Variants in DIS3L2 observed in about 807,000 individuals in gnomAD.
DIS3L2 encodes the protein DIS3 like 3'-5' exoribonuclease 2, also known as DIS3-like exonuclease 2.
Under a neutral mutation model 97.5 loss-of-function variants are expected in DIS3L2, and 34 were observed. That is an observed-to-expected ratio of 0.35 (90% CI 0.27 to 0.46). DIS3L2 has a LOEUF of 0.46. Among genes scored for constraint, DIS3L2 ranks in the 20% least tolerant of loss-of-function variants. DIS3L2 has a pLI of 1.00. For synonymous variants in DIS3L2, 435 were observed against 445.2 expected, an observed-to-expected ratio of 0.98 and a Z score of 0.29; for missense variants, 1,038 against 1,146.0, an observed-to-expected ratio of 0.91 and a Z score of 1.36.
intron 13 of DIS3L2, among the ~76,000 whole-genome samples, chr2:232,271,994 G>T (rs1432709539): frequency 6.6e-6 from 1 of 152,220 alleles, no homozygotes; most frequent in Admixed American, 6.5e-5. Flanking sequence ...AGCCACTTAT[G>T]TGTGGTGGCC....
intron 10 of DIS3L2, among the ~76,000 whole-genome samples, chr2:232,220,449 C>T (rs2106231350): frequency 6.6e-6 from 1 of 152,258 alleles, no homozygotes; most frequent in Non-Finnish European, 1.5e-5. Flanking sequence ...TGGATCATGC[C>T]TGTAATCCCA....
intron 9 of DIS3L2, among the ~76,000 whole-genome samples, chr2:232,189,793 G>C (rs1691560431): frequency 6.6e-6 from 1 of 152,136 alleles, no homozygotes; most frequent in Admixed American, 6.5e-5. Context: ...TTGTACTACA[G>C]TTTTGTATGA....
chr2:232,139,058 G>A (rs915495739), intron 8 of DIS3L2, among the ~76,000 whole-genome samples: 3 of 152,170 alleles, frequency 2.0e-5, no homozygotes, highest in Non-Finnish European at 4.4e-5. Context: ...ATTTTTGCAT[G>A]TATATATCAT....
chr2:232,210,485 C>T, intron 10 of DIS3L2, 80 bp downstream of exon 10: 1 of 1,322,910 alleles, frequency 7.6e-7, no homozygotes, highest in Non-Finnish European at 1.1e-6. Context: ...CCCTGTGCTG[C>T]CTAGGCAGCA....
rs1195127127 is a variant in DIS3L2 at position 232,066,506 on chromosome 2, T to A, written c.367-20981T>A. Among the ~76,000 whole-genome samples the A allele has an allele frequency of 2.0e-5, 3 of 152,050 alleles. No homozygotes were observed. In the East Asian group the frequency reaches 5.8e-4, roughly 29 times the overall value. On this transcript the variant is annotated intron_variant, in intron 5 of 20. Coordinates refer to ENST00000325385, the MANE Select transcript of DIS3L2 (RefSeq NM_152383.5). The stretch of plus-strand genomic sequence containing the variant: ...TTGACAGATCTAACATGTGTCCTCA[T>A]CAGGATTATTAACTTGTGACTTACT...
chr2:232,071,629 A>G (rs1196917126), intron 5 of DIS3L2, among the ~76,000 whole-genome samples: 1 of 152,232 alleles, frequency 6.6e-6, no homozygotes, highest in African/African-American at 2.4e-5. Flanking sequence ...GAAATGGCAG[A>G]TAAGATTAAA....
chr2:232,107,478 T>C (rs1395925176), intron 6 of DIS3L2, among the ~76,000 whole-genome samples: 1 of 152,050 alleles, frequency 6.6e-6, no homozygotes, highest in Non-Finnish European at 1.5e-5. Context: ...GGTGGGTAGA[T>C]CACTTGATGC....
chr2:232,017,172 T>C (rs1322620291), intron 3 of DIS3L2, among the ~76,000 whole-genome samples: 1 of 152,104 alleles, frequency 6.6e-6, no homozygotes, highest in Non-Finnish European at 1.5e-5. Context: ...CTGCAGCCTC[T>C]GCCTCCTGGA....
intron 5 of DIS3L2, among the ~76,000 whole-genome samples, chr2:232,045,623 TC>T (rs1375981012): frequency 8.6e-5 from 13 of 151,356 alleles, no homozygotes; most frequent in Non-Finnish European, 1.3e-4. Context: ...TAAATCCCAT[TC>T]ATGAGGGAGG....
chr2:231,992,927 TC>T (rs1693624013), intron 1 of DIS3L2, among the ~76,000 whole-genome samples: 1 of 152,224 alleles, frequency 6.6e-6, no homozygotes, highest in Non-Finnish European at 1.5e-5. Flanking sequence ...TTGAGGCTCC[TC>T]AGAGTCTCAA....
chr2:232,040,815 C>T (rs1211704179), intron 5 of DIS3L2, among the ~76,000 whole-genome samples: 12 of 152,122 alleles, frequency 7.9e-5, no homozygotes, highest in Admixed American at 7.9e-4. Flanking sequence ...TAAGGAGTAA[C>T]AGAGTGGTAT....
intron 10 of DIS3L2, among the ~76,000 whole-genome samples, chr2:232,225,161 A>G (rs1453762368): frequency 6.6e-6 from 1 of 152,186 alleles, no homozygotes; most frequent in African/African-American, 2.4e-5. Context: ...AAGTTGCCAC[A>G]ACTACTTTGG....
intron 10 of DIS3L2, among the ~76,000 whole-genome samples, chr2:232,219,844 A>G (rs754787723): frequency 3.9e-5 from 6 of 152,156 alleles, no homozygotes; most frequent in Non-Finnish European, 7.4e-5. Flanking sequence ...ATAAGTGCTG[A>G]TTTTCTGATA....
chr2:232,337,214 C>T (rs1368316243), downstream of DIS3L2: 5 of 987,984 alleles, frequency 5.1e-6, no homozygotes, highest in South Asian at 1.9e-4. Context: ...CCCCCATCAC[C>T]CTGACGAATG....
chr2:232,172,989 A>G (rs912913581), intron 9 of DIS3L2, among the ~76,000 whole-genome samples: 7 of 152,130 alleles, frequency 4.6e-5, no homozygotes, highest in African/African-American at 1.2e-4. Context: ...TTGCCTTTCT[A>G]TTGTTGAGCT....
In DIS3L2 at chr2:232,166,340, G is replaced by A. The variant is rs559498012; in HGVS notation, c.1124+2708G>A. 3.3e-5 allele frequency among the ~76,000 whole-genome samples: 5 copies of A among 150,652 alleles called. No homozygotes were observed. In the East Asian group the frequency reaches 7.7e-4, roughly 23 times the overall value. On this transcript the variant is annotated intron_variant, in intron 9 of 20. Transcript: ENST00000325385. ...AAATACACACACCACACACACACACGCGTGCGCGCGCGCCCTGTGAAAGGA... is the reference window on the plus strand; with the variant it reads ...AAATACACACACCACACACACACACACGTGCGCGCGCGCCCTGTGAAAGGA...
chr2:232,061,341 A>G (rs1365820165), intron 5 of DIS3L2, among the ~76,000 whole-genome samples: 1 of 152,212 alleles, frequency 6.6e-6, no homozygotes, highest in African/African-American at 2.4e-5. Context: ...AAAGAAAGTA[A>G]GAAGGGAAAG....
rs1392854182 is a variant in DIS3L2, at chr2:232,292,573, C to T, written c.1660-7467C>T. 2.0e-5 allele frequency among the ~76,000 whole-genome samples: 3 copies of T among 152,196 alleles called. No individual in the cohort carries two copies. The highest frequency in any genetic ancestry group is 2.9e-5 in the Non-Finnish European group (2 of 68,036). ...TCCAGGCTCCTAGAGCTCACCCACGCGATTCTCTTAAGGCCAGTTTCCTGG... is the reference window on the plus strand; with the variant it reads ...TCCAGGCTCCTAGAGCTCACCCACGTGATTCTCTTAAGGCCAGTTTCCTGG... On this transcript the variant is annotated intron_variant, in intron 13 of 20. Transcript: ENST00000325385. The surrounding 1 kb of genome is among the most constrained non-coding windows in gnomAD (Gnocchi z 4.4).
At chr2:232,182,880 G>A (rs1691331529) in intron 9 of DIS3L2, among the ~76,000 whole-genome samples, 1 of 152,080 alleles carries the variant, frequency 6.6e-6, no homozygotes, top group Admixed American at 6.6e-5. Context: ...TCCAAGGTTT[G>A]CTGTTATTGC....
Sources: allele counts gnomAD v4.1 joint callset (sites outside exome capture counted in the v4.1 genomes callset), GRCh38; gene constraint gnomAD v4.1.1; non-coding constraint Gnocchi (gnomAD v3.1); transcripts MANE v1.5; gene names NCBI Gene and HGNC (gene_info 2026-07-23, HGNC 2026-07-21).